DMPK: variants seen among roughly 807,000 people sequenced by gnomAD.
The protein encoded by DMPK is myotonin-protein kinase.
In DMPK, 32 loss-of-function variants were observed where a neutral mutation model predicts 70.3. The ratio of observed to expected loss-of-function variants is 0.46; its 90% CI spans 0.34 to 0.61. DMPK has a LOEUF of 0.61. Among genes scored for constraint, DMPK ranks in the 20% least tolerant of loss-of-function variants. The pLI is 0.01. For synonymous variants in DMPK, 469 were observed against 390.9 expected (o/e 1.20, Z -2.36); for missense variants, 899 against 886.0 (o/e 1.01, Z -0.19).
chr19:45,775,075 G>C (rs945998330), intron 8 of DMPK, 41 bp from the exon 9 acceptor site: 7 of 1,539,018 alleles, frequency 4.5e-6, no homozygotes, highest in Non-Finnish European at 6.2e-6. Flanking sequence ...TCGTCAGGGC[G>C]GGCCCCTCAC....
chr19:45,780,605 C>T, intron 1 of DMPK: 4 of 1,018,234 alleles, frequency 3.9e-6, no homozygotes, highest in Non-Finnish European at 4.7e-6. Flanking sequence ...GCTTGTGGCT[C>T]AGGGACTGTG....
chr19:45,777,879 C>T lies in DMPK; in HGVS notation c.676-6G>A, dbSNP rs1019132006. ...ACAGCCACCAGCGACCGCACCTGGA[C>T]CAAAAGGAGCAGAGCGAGGCTTGGG... On this transcript the variant is annotated splice_polypyrimidine_tract_variant and splice_region_variant and intron_variant, in intron 6 of 14. Transcript: ENST00000291270. This position sits in a 1 kb window ranked among gnomAD's most constrained non-coding sequence, Gnocchi z 6.7. 1.9e-6 allele frequency: 3 copies of T among 1,604,382 alleles called. No individual in the cohort carries two copies. The East Asian group carries it at 6.7e-5, about 36-fold the overall frequency.
Position 45,771,795 on chromosome 19 carries a change from C to G in DMPK, c.1478G>C (p.Arg493Pro). ...QSLSREMEAIRTDNQNFASQL... is the reference protein window; with the variant it reads ...QSLSREMEAIPTDNQNFASQL... Reference sequence around the variant, plus strand: ...CCTGGCGAAGTTCTGGTTGTCCGTGCGGATGGCCTCCATCTCCCGGCTCAG... The same window carrying G: ...CCTGGCGAAGTTCTGGTTGTCCGTGGGGATGGCCTCCATCTCCCGGCTCAG... Residue 493 changes from arginine (R) to proline (P), a missense_variant, in exon 11 of 15, where the codon CGC (arginine) becomes CCC (proline). Around this residue, in one of 3 missense-constraint regions of DMPK, gnomAD observed 555 missense variants for 483.8 expected, o/e 1.15. Transcript: ENST00000291270. 1 of 1,568,876 alleles carries G rather than the reference C, an allele frequency of 6.4e-7. No homozygotes were observed. Among genetic ancestry groups the G allele is most frequent in the African/African-American group, 1.4e-5 (1 of 73,954 alleles).
In DMPK at chr19:45,770,677, C is replaced by T. The variant is rs771992549; in HGVS notation, c.1738-37G>A. 2.6e-6 allele frequency: 4 copies of T among 1,544,454 alleles called. No individual in the cohort carries two copies. The South Asian group carries it at 3.6e-5, about 14-fold the overall frequency. ...GGGCGAGGTCAACACCCGGCATGGG[C>T]CTCTGATTGGCTCCTGGGACTCGCC... On this transcript the variant is annotated intron_variant, in intron 14 of 14. Coordinates refer to ENST00000291270, the MANE Select transcript of DMPK (RefSeq NM_004409.5).
At chr19:45,781,354 C>T (rs1009868458) in intron 1 of DMPK, among the ~76,000 whole-genome samples, 2 of 152,106 alleles carry the variant, frequency 1.3e-5, no homozygotes, top group East Asian at 1.9e-4. Flanking sequence ...CTGGCAGAAG[C>T]GGAAGCATCC....
At position 45,782,227 on chromosome 19, in the gene DMPK, G is replaced by A; in HGVS notation, c.126C>T (p.Ala42=). 1 of 1,607,926 alleles carries A rather than the reference G, an allele frequency of 6.2e-7. No individual in the cohort carries two copies. Among genetic ancestry groups the A allele is most frequent in the Non-Finnish European group, 8.5e-7 (1 of 1,177,810 alleles). Residue 42 remains alanine, a synonymous_variant, in exon 1 of 15, where the codon GCC becomes GCT. Transcript: ENST00000291270. ...VHQELGASEL[A]QDKYVADFLQ... ...AGAAGTCGGCCACGTACTTGTCCTG[G>A]GCCAGTTCGGAGGCGCCCAGCTCCT...
At position 45,770,590 on chromosome 19, in the gene DMPK, A is replaced by C. The variant is rs369816204; in HGVS notation, c.1788T>G (p.Val596=). The C allele has an allele frequency of 1.3e-6, 2 of 1,552,620 alleles. No homozygotes were observed. The highest frequency in any genetic ancestry group is 1.7e-6 in the Non-Finnish European group (2 of 1,148,070). Residue 596 remains valine, a synonymous_variant, in exon 15 of 15, where the codon GTT becomes GTG. Transcript: ENST00000291270. ...SEALSLLLFA[V]VLSRAAALGC... ...CCAGGGCGGCGGCACGAGACAGAAC[A>C]ACGGCGAACAGGAGCAGGGAAAGCG...
In DMPK at chr19:45,782,343, C is replaced by A; in HGVS notation, c.10G>T (p.Glu4Ter). ...TGCTGGAGCCGCCTCAGCCGCACCT[C>A]GGCTGACATGTTGGACAGGCAGCAC... MSA[E>*]VRLRRLQQLV... The change falls in exon 1 of 15, where the codon GAG (glutamate) becomes TAG (stop). Residue 4 changes from glutamate (E) to a stop codon, truncating the protein, a stop_gained. Transcript: ENST00000291270. LOFTEE classifies it high-confidence loss of function. 6.4e-7 allele frequency: 1 copy of A among 1,574,374 alleles called. No homozygotes were observed.
Position 45,770,204 on chromosome 19 carries a change from C to CCAGCAGCAGCAGCAG in DMPK, c.*269_*283dup. 5.3e-3 allele frequency: 3,771 copies of CCAGCAGCAGCAGCAG among 715,340 alleles called. 22 individuals carry two copies. The highest frequency in any genetic ancestry group is 5.9e-3 in the Middle Eastern group (16 of 2,734). The allele number at this position is 715,340 out of a possible 1,614,324, so 44.3% of individuals were successfully genotyped here. On this transcript the variant is annotated 3_prime_UTR_variant, in exon 15 of 15. Coordinates refer to ENST00000291270, the MANE Select transcript of DMPK (RefSeq NM_004409.5). The stretch of plus-strand genomic sequence containing the variant: ...AAGAAAGAAATGGTCTGTGATCCCC[C>CCAGCAGCAGCAGCAG]CAGCAGCAGCAGCAGCAGCAGCAGC...
chr19:45,772,589 C>A, intron 10 of DMPK, 52 bp downstream of exon 10: 1 of 1,287,648 alleles, frequency 7.8e-7, no homozygotes, highest in Admixed American at 2.5e-5. Context: ...GAAGCCCTCA[C>A]CTTTTCTCTC....
At chr19:45,776,831 T>C (rs1018045975) in intron 8 of DMPK, 1 of 154,788 alleles carries the variant, frequency 6.5e-6, no homozygotes, top group Non-Finnish European at 1.4e-5. Context: ...TCTCTAATTC[T>C]CTAGACTGCA....
intron 4 of DMPK, 151 bp from the exon 5 acceptor site, chr19:45,778,792 A>C: frequency 1.2e-6 from 1 of 807,502 alleles, no homozygotes; most frequent in Non-Finnish European, 1.9e-6. Context: ...TGCCGGGCCA[A>C]ATCAGAGACC....
chr19:45,778,384 G>A (rs1168840259), intron 5 of DMPK, 109 bp downstream of exon 5: 2 of 1,453,022 alleles, frequency 1.4e-6, no homozygotes, highest in Non-Finnish European at 1.9e-6. Flanking sequence ...CCCCCGGTGG[G>A]CCCCAACCAA....
At chr19:45,780,213 C>T in intron 1 of DMPK, 5 of 1,478,160 alleles carry the variant, frequency 3.4e-6, no homozygotes, top group Admixed American at 2.4e-5. Flanking sequence ...AGTTCTTCCA[C>T]CTTCCACCCT....
At chr19:45,773,823 TG>T (rs1180863577) in intron 9 of DMPK, among the ~76,000 whole-genome samples, 1 of 151,810 alleles carries the variant, frequency 6.6e-6, no homozygotes, top group African/African-American at 2.4e-5. Flanking sequence ...TTCAATTTTT[TG>T]TAGAGACAGG....
At chr19:45,773,226 T>A (rs886898022) in intron 9 of DMPK, among the ~76,000 whole-genome samples, 1 of 152,152 alleles carries the variant, frequency 6.6e-6, no homozygotes, top group African/African-American at 2.4e-5. Flanking sequence ...GGACAGCTCC[T>A]CCCTGGGGTA....
Position 45,770,631 on chromosome 19 carries a change from G to A in DMPK, c.1747C>T (p.Pro583Ser), listed in dbSNP as rs758705412. The change falls in exon 15 of 15, where the codon CCT becomes TCT. Residue 583 changes from proline (P) to serine (S), a missense_variant. By Grantham distance (74) the Pro-to-Ser change is moderately conservative. This residue lies in a region of DMPK where 555 missense variants were observed against 483.8 expected (regional missense o/e 1.15). Coordinates refer to ENST00000291270, the MANE Select transcript of DMPK (RefSeq NM_004409.5). ...HLLLPARVPR[P>S]GLSEALSLLL... is the part of the protein sequence containing the mutation. ...AGGGAAAGCGCCTCCGATAGGCCAG[G>A]CCTAGGGACCTGCGGGGAGAGGGCG... The A allele has an allele frequency of 6.0e-5, 93 of 1,551,896 alleles. No homozygotes were observed. The highest frequency in any genetic ancestry group is 7.4e-5 in the Non-Finnish European group (85 of 1,147,806).
intron 4 of DMPK, 40 bp from the exon 5 acceptor site, chr19:45,778,681 A>C: frequency 6.2e-7 from 1 of 1,601,878 alleles, no homozygotes; most frequent in Non-Finnish European, 8.5e-7. Flanking sequence ...TAGTCCCCTG[A>C]GGCCCTGATC....
intron 1 of DMPK, 89 bp downstream of exon 1, chr19:45,782,104 G>GGCCCCCCCC: frequency 2.8e-6 from 2 of 722,490 alleles, no homozygotes; most frequent in Admixed American, 3.9e-5. Context: ...CTGCCATCCT[G>GGCCCCCCCC]CCCCCCCAAC....
Sources: gnomAD v4.1 joint callset for allele counts (sites outside exome capture counted in the v4.1 genomes callset) on GRCh38, gnomAD v4.1.1 for gene constraint, gnomAD v4.1.1 regional missense constraint, Gnocchi (gnomAD v3.1) non-coding constraint, MANE v1.5 for transcripts, NCBI Gene and HGNC (gene_info 2026-07-23, HGNC 2026-07-21) for gene names.